NCOA2: variants seen among roughly 807,000 people sequenced by gnomAD.
NCOA2 encodes nuclear receptor coactivator 2.
In NCOA2, 21 loss-of-function variants were observed where a neutral mutation model predicts 145.1. The observed-to-expected ratio is 0.14, with a 90% CI of 0.10 to 0.21. The LOEUF is 0.21. NCOA2 is among the 10% of genes least tolerant of loss of function. NCOA2 has a pLI of 1.00. For missense variants in NCOA2, 1,472 were observed against 1,837.6 expected (o/e 0.80, Z 3.64); for synonymous variants, 619 against 637.5 (o/e 0.97, Z 0.44).
At chr8:70,362,701 G>A (rs1032566059) in intron 1 of NCOA2, among the ~76,000 whole-genome samples, 7 of 152,194 alleles carry the variant, frequency 4.6e-5, no homozygotes, top group African/African-American at 1.4e-4. Context: ...TATACTGCTG[G>A]TGGGAATGCA....
At chr8:70,199,135 A>G (rs1185537589) in intron 4 of NCOA2, among the ~76,000 whole-genome samples, 1 of 152,136 alleles carries the variant, frequency 6.6e-6, no homozygotes, top group East Asian at 1.9e-4. Context: ...GTGAGTGAGG[A>G]TGAATGTGGT....
At chr8:70,159,483 G>A (rs778154583) in intron 10 of NCOA2, 22 bp downstream of exon 10, 2 of 1,534,948 alleles carry the variant, frequency 1.3e-6, no homozygotes, top group South Asian at 2.4e-5. Context: ...AATGGAAAAT[G>A]ACTTCTTAGA....
At chr8:70,179,954 T>C (rs1272126057) in intron 4 of NCOA2, among the ~76,000 whole-genome samples, 1 of 152,222 alleles carries the variant, frequency 6.6e-6, no homozygotes, top group Admixed American at 6.5e-5. Context: ...ATTTTTGTTT[T>C]TGTTTTTGTA....
At chr8:70,400,479 AG>A (rs1814131504) in intron 1 of NCOA2, among the ~76,000 whole-genome samples, 1 of 152,198 alleles carries the variant, frequency 6.6e-6, no homozygotes, top group African/African-American at 2.4e-5. Flanking sequence ...CAAAGAATTA[AG>A]TAAAATAATG....
chr8:70,191,141 T>C (rs1299813963), intron 4 of NCOA2, among the ~76,000 whole-genome samples: 1 of 152,118 alleles, frequency 6.6e-6, no homozygotes, highest in East Asian at 1.9e-4. Flanking sequence ...AAGGGTCATT[T>C]CAAAAAAAGT....
chr8:70,211,690 G>C (rs1166422858), intron 4 of NCOA2, among the ~76,000 whole-genome samples: 1 of 152,130 alleles, frequency 6.6e-6, no homozygotes, highest in Non-Finnish European at 1.5e-5. Context: ...TTCATACCTA[G>C]CTCCTGTCTG....
At chr8:70,313,099 T>G (rs984601099) in intron 1 of NCOA2, among the ~76,000 whole-genome samples, 11 of 152,198 alleles carry the variant, frequency 7.2e-5, no homozygotes, top group African/African-American at 2.7e-4. Context: ...GGAAGATAAA[T>G]TACTTAATCA....
chr8:70,256,910 A>G (rs1823682989), intron 2 of NCOA2, among the ~76,000 whole-genome samples: 1 of 152,228 alleles, frequency 6.6e-6, no homozygotes, highest in African/African-American at 2.4e-5. Flanking sequence ...CTCCCCTTTT[A>G]GAGATGAAAA....
At chr8:70,339,526 C>G (rs1807933458) in intron 1 of NCOA2, among the ~76,000 whole-genome samples, 1 of 151,904 alleles carries the variant, frequency 6.6e-6, no homozygotes, top group Non-Finnish European at 1.5e-5. Flanking sequence ...TTTATAGATT[C>G]AATGATATTC....
At chr8:70,363,636 C>A (rs377683593) in intron 1 of NCOA2, among the ~76,000 whole-genome samples, 1 of 152,108 alleles carries the variant, frequency 6.6e-6, no homozygotes. Context: ...ATACACCCAA[C>A]AGCCAGACTC....
At chr8:70,272,019 T>C (rs1343280075) in intron 2 of NCOA2, among the ~76,000 whole-genome samples, 1 of 152,224 alleles carries the variant, frequency 6.6e-6, no homozygotes, top group Non-Finnish European at 1.5e-5. Context: ...ATTACCAAAG[T>C]AAAAGAAATA....
At chr8:70,158,132 G>C (rs993732502) in intron 10 of NCOA2, among the ~76,000 whole-genome samples, 5 of 152,188 alleles carry the variant, frequency 3.3e-5, no homozygotes, top group Non-Finnish European at 7.4e-5. Context: ...TGCCACATCT[G>C]TAATCACTTT....
intron 1 of NCOA2, among the ~76,000 whole-genome samples, chr8:70,302,216 A>C (rs1827565222): frequency 6.6e-6 from 1 of 152,174 alleles, no homozygotes; most frequent in South Asian, 2.1e-4. Flanking sequence ...CCTTCATGTG[A>C]ATTTTAATAA....
At chr8:70,238,896 T>A (rs962870105) in intron 2 of NCOA2, among the ~76,000 whole-genome samples, 3 of 152,180 alleles carry the variant, frequency 2.0e-5, no homozygotes, top group African/African-American at 7.2e-5. Flanking sequence ...CAGGCCCCCA[T>A]AAGCTCAACT....
At chr8:70,318,756 C>T (rs1313557803) in intron 1 of NCOA2, among the ~76,000 whole-genome samples, 1 of 151,998 alleles carries the variant, frequency 6.6e-6, no homozygotes, top group Non-Finnish European at 1.5e-5. Context: ...GAGGGAGACC[C>T]TGTCTCAAAA....
the NCOA2 span, among the ~76,000 whole-genome samples, chr8:70,456,235 A>G: frequency 6.6e-6 from 1 of 152,172 alleles, no homozygotes. Flanking sequence ...AACATTCTAC[A>G]CGTCTAAACT....
intron 1 of NCOA2, among the ~76,000 whole-genome samples, chr8:70,370,264 C>A (rs1262408570): frequency 6.6e-6 from 1 of 152,056 alleles, no homozygotes; most frequent in African/African-American, 2.4e-5. Context: ...AATATTATGT[C>A]CAAAAAATGT....
intron 1 of NCOA2, among the ~76,000 whole-genome samples, chr8:70,367,642 G>T (rs754419810): frequency 6.6e-6 from 1 of 152,100 alleles, no homozygotes; most frequent in Non-Finnish European, 1.5e-5. Flanking sequence ...GTATTAAGTA[G>T]AACTATTCAA....
intron 15 of NCOA2, among the ~76,000 whole-genome samples, chr8:70,133,791 G>T (rs918933141): frequency 6.6e-6 from 1 of 152,200 alleles, no homozygotes; most frequent in African/African-American, 2.4e-5. Flanking sequence ...GCTCTAATAT[G>T]CTATTTTGGC....
Sources: gnomAD v4.1 joint callset for allele counts (sites outside exome capture counted in the v4.1 genomes callset) on GRCh38, gnomAD v4.1.1 for gene constraint, MANE v1.5 for transcripts, NCBI Gene and HGNC (gene_info 2026-07-23, HGNC 2026-07-21) for gene names.